The following CALN1 variants were observed in gnomAD, a reference collection of about 807,000 sequenced individuals.
The protein encoded by CALN1 is calneuron 1, also known as calcium-binding protein 8.
A neutral mutation model predicts 30.6 loss-of-function variants in CALN1; 17 were observed. The ratio of observed to expected loss-of-function variants is 0.56; its 90% CI spans 0.38 to 0.83. The LOEUF is 0.83. Ranked by LOEUF, CALN1 falls within the 40% of genes least tolerant of loss-of-function variation. The pLI, the probability that CALN1 is intolerant of heterozygous loss-of-function variation, is 0.00. For missense variants in CALN1, 291 were observed against 354.9 expected (o/e 0.82, Z 1.45); for synonymous variants, 156 against 131.4 (o/e 1.19, Z -1.28).
At chr7:71,885,677 A>G (rs1163610040) in intron 5 of CALN1, among the ~76,000 whole-genome samples, 7 of 152,264 alleles carry the variant, frequency 4.6e-5, no homozygotes, top group African/African-American at 1.7e-4. Context: ...GTTGGGACAG[A>G]ATGAGCAAAC....
intron 2 of CALN1, among the ~76,000 whole-genome samples, chr7:72,333,374 T>G (rs1287799692): frequency 6.6e-6 from 1 of 152,206 alleles, no homozygotes; most frequent in Admixed American, 6.5e-5. Flanking sequence ...TGTTAAATGA[T>G]TAAAAACTTA....
At chr7:71,924,036 T>C (rs756891035) in intron 5 of CALN1, among the ~76,000 whole-genome samples, 3 of 151,828 alleles carry the variant, frequency 2.0e-5, no homozygotes, top group Non-Finnish European at 4.4e-5. Flanking sequence ...GAACTAAAAA[T>C]ACAAAAATTA....
intron 5 of CALN1, among the ~76,000 whole-genome samples, chr7:71,812,944 T>TATTATA (rs1562802163): frequency 6.7e-6 from 1 of 148,916 alleles, no homozygotes; most frequent in Non-Finnish European, 1.5e-5. Flanking sequence ...TTATTATTAT[T>TATTATA]ATTATTATTA....
chr7:72,305,136 GGA>G (rs1799563954), intron 2 of CALN1, among the ~76,000 whole-genome samples: 3 of 152,184 alleles, frequency 2.0e-5, no homozygotes, highest in Non-Finnish European at 4.4e-5. Context: ...GTGTCAGCCA[GGA>G]CAGACATGTG....
chr7:71,806,367 C>T (rs1047920532), intron 6 of CALN1, among the ~76,000 whole-genome samples: 17 of 147,308 alleles, frequency 1.2e-4, no homozygotes, highest in East Asian at 4.1e-4. Context: ...AGTGCAATGG[C>T]GCGATCTTGG....
the CALN1 span, among the ~76,000 whole-genome samples, chr7:72,462,652 G>A: frequency 4.0e-4 from 61 of 152,366 alleles, no homozygotes; most frequent in African/African-American, 1.4e-3. Context: ...TGGACAGCAG[G>A]GAGGAGCTTG....
intron 5 of CALN1, among the ~76,000 whole-genome samples, chr7:71,854,518 T>C (rs533749205): frequency 6.6e-6 from 1 of 152,316 alleles, no homozygotes; most frequent in Admixed American, 6.5e-5. Flanking sequence ...TGATGTTTGT[T>C]CATTCTGCAT....
chr7:71,816,973 A>C (rs1584285166), intron 5 of CALN1, among the ~76,000 whole-genome samples: 1 of 152,144 alleles, frequency 6.6e-6, no homozygotes, highest in South Asian at 2.1e-4. Flanking sequence ...GTCTCCAAAA[A>C]ACAAAAATCT....
intron 5 of CALN1, among the ~76,000 whole-genome samples, chr7:71,850,185 C>T (rs941071445): frequency 6.6e-6 from 1 of 152,094 alleles, no homozygotes; most frequent in African/African-American, 2.4e-5. Flanking sequence ...ATCAAGAGAT[C>T]TGAGTGCGTA....
intron 4 of CALN1, among the ~76,000 whole-genome samples, chr7:72,089,603 T>C (rs1427057891): frequency 6.6e-6 from 1 of 152,048 alleles, no homozygotes; most frequent in Non-Finnish European, 1.5e-5. Flanking sequence ...GAAAAGAAAC[T>C]GAATAATTGT....
At chr7:72,102,010 C>T (rs748450221) in intron 4 of CALN1, among the ~76,000 whole-genome samples, 3 of 152,146 alleles carry the variant, frequency 2.0e-5, no homozygotes, top group Non-Finnish European at 4.4e-5. Flanking sequence ...TAAAGATTAT[C>T]AAATGCAGTC....
intron 3 of CALN1, among the ~76,000 whole-genome samples, chr7:72,248,876 T>C (rs1475839614): frequency 6.6e-6 from 1 of 152,150 alleles, no homozygotes; most frequent in Non-Finnish European, 1.5e-5. Flanking sequence ...GGATAGTCTA[T>C]AATCGATCAT....
chr7:71,983,953 T>C (rs1798533879), intron 5 of CALN1, among the ~76,000 whole-genome samples: 1 of 151,808 alleles, frequency 6.6e-6, no homozygotes, highest in African/African-American at 2.4e-5. Flanking sequence ...TAAATTATGA[T>C]CGAAAAAAAC....
chr7:72,286,766 C>T (rs184240543), intron 2 of CALN1, among the ~76,000 whole-genome samples: 2 of 152,332 alleles, frequency 1.3e-5, no homozygotes, highest in Non-Finnish European at 2.9e-5. Context: ...ACGTAGTGGT[C>T]TGTGTAAAAG....
intron 5 of CALN1, among the ~76,000 whole-genome samples, chr7:71,889,415 A>G (rs1362484782): frequency 6.6e-6 from 1 of 152,192 alleles, no homozygotes; most frequent in South Asian, 2.1e-4. Flanking sequence ...AAATCACTCT[A>G]TAGTGTAAAT....
chr7:72,227,344 G>A lies in CALN1; in HGVS notation c.244+51342C>T, dbSNP rs978618991. Among the ~76,000 whole-genome samples the A allele has an allele frequency of 8.6e-5, 13 of 151,700 alleles. No homozygotes were observed. The East Asian group carries it at 1.2e-3, about 14-fold the overall frequency. ...AACTAAAGGTCAGGAGTTCAAGACC[G>A]GCCTGGCCAACATGGCAAAACCCTG... On this transcript the variant is annotated intron_variant, in intron 3 of 6. Transcript: ENST00000395275.
rs568399671 is a variant in CALN1 at position 72,354,462 on chromosome 7, A to G, written c.119+48789T>C. On this transcript the variant is annotated intron_variant, in intron 2 of 6. Transcript: ENST00000395275. Reference sequence around the variant, plus strand: ...TTGACAAGCTGGTTTAAAAATTTATATATGTATGCAAAGGACATAGAATAG... The same window carrying G: ...TTGACAAGCTGGTTTAAAAATTTATGTATGTATGCAAAGGACATAGAATAG... Among the ~76,000 whole-genome samples the G allele has an allele frequency of 4.4e-4, 67 of 152,336 alleles. 1 individual carries two copies. Among genetic ancestry groups the G allele is most frequent in the African/African-American group, 1.5e-3 (63 of 41,596 alleles).
intron 3 of CALN1, among the ~76,000 whole-genome samples, chr7:72,250,088 C>A (rs967241953): frequency 2.0e-5 from 3 of 152,168 alleles, no homozygotes; most frequent in African/African-American, 7.2e-5. Context: ...CAAATCTTTA[C>A]TATCCTTCAC....
At chr7:71,959,023 G>T (rs377606020) in intron 5 of CALN1, among the ~76,000 whole-genome samples, 1 of 152,298 alleles carries the variant, frequency 6.6e-6, no homozygotes, top group Non-Finnish European at 1.5e-5. Flanking sequence ...TGGGTCACTT[G>T]TTAGTTATAA....
Sources: allele counts gnomAD v4.1 joint callset (sites outside exome capture counted in the v4.1 genomes callset), GRCh38; gene constraint gnomAD v4.1.1; transcripts MANE v1.5; gene names NCBI Gene and HGNC (gene_info 2026-07-23, HGNC 2026-07-21).